Variants in KCNN2 observed in about 807,000 individuals in gnomAD.
KCNN2 encodes the protein potassium calcium-activated channel subfamily N member 2.
In KCNN2, 24 loss-of-function variants were observed where a neutral mutation model predicts 55.5. That is an observed-to-expected ratio of 0.43 (90% CI 0.31 to 0.61). KCNN2 has a LOEUF of 0.61. Ranked by LOEUF, KCNN2 falls within the 20% of genes least tolerant of loss-of-function variation. The probability of loss-of-function intolerance (pLI) is 0.08; values close to 1 mark genes in which losing one functional copy is unlikely to be tolerated. For missense variants in KCNN2, 754 were observed against 853.6 expected (o/e 0.88, Z 1.45); for synonymous variants, 431 against 336.1 (o/e 1.28, Z -3.09).
At chr5:114,491,206 C>G (rs1243397699) in intron 6 of KCNN2, among the ~76,000 whole-genome samples, 2 of 152,032 alleles carry the variant, frequency 1.3e-5, no homozygotes, top group African/African-American at 4.8e-5. Flanking sequence ...TGCCACTGGC[C>G]CTTCTAGCCT....
intron 2 of KCNN2, 47 bp from the exon 3 acceptor site, chr5:114,404,391 G>T: frequency 1.3e-6 from 2 of 1,490,426 alleles, no homozygotes; most frequent in South Asian, 1.2e-5. Flanking sequence ...AACACTTGTG[G>T]ACCATTCATG....
chr5:114,292,730 A>G (rs560193562), intron 2 of KCNN2, among the ~76,000 whole-genome samples: 1 of 152,314 alleles, frequency 6.6e-6, no homozygotes, highest in East Asian at 1.9e-4. Flanking sequence ...TCTGGGAAGA[A>G]AGTCATTGAT....
At chr5:114,412,426 G>A (rs1759165004) in intron 3 of KCNN2, among the ~76,000 whole-genome samples, 1 of 108,332 alleles carries the variant, frequency 9.2e-6, no homozygotes, top group Admixed American at 8.3e-5. Flanking sequence ...TTCAATATGT[G>A]ATCAACTCTG....
intron 2 of KCNN2, among the ~76,000 whole-genome samples, chr5:114,300,886 G>A (rs900479006): frequency 2.0e-5 from 3 of 152,162 alleles, no homozygotes; most frequent in African/African-American, 7.2e-5. Flanking sequence ...CCACATGACT[G>A]TGTTGGACTG....
intron 1 of KCNN2, among the ~76,000 whole-genome samples, chr5:114,148,962 A>C (rs537568641): frequency 6.6e-6 from 1 of 152,242 alleles, no homozygotes; most frequent in East Asian, 1.9e-4. Flanking sequence ...AGTCAGCCCA[A>C]CCAGAAATAG....
chr5:114,063,510 A>G (rs1345363911), intron 1 of KCNN2, among the ~76,000 whole-genome samples: 1 of 152,018 alleles, frequency 6.6e-6, no homozygotes, highest in Non-Finnish European at 1.5e-5. Flanking sequence ...CCCCCTCCAA[A>G]TTTCCATTTC....
At chr5:114,249,232 C>T (rs887519963) in intron 2 of KCNN2, among the ~76,000 whole-genome samples, 1 of 151,260 alleles carries the variant, frequency 6.6e-6, no homozygotes, top group Non-Finnish European at 1.5e-5. Flanking sequence ...TTGTGAAGAA[C>T]GTAAACATGG....
chr5:114,376,090 A>G (rs77024554), intron 2 of KCNN2, among the ~76,000 whole-genome samples: 4,558 of 150,920 alleles, frequency 0.03, 227 homozygotes, highest in African/African-American at 0.11. Flanking sequence ...TCATCTCCCA[A>G]TGTGTCCTTT....
chr5:114,481,835 C>T (rs1762242230), intron 5 of KCNN2, among the ~76,000 whole-genome samples: 2 of 152,112 alleles, frequency 1.3e-5, no homozygotes, highest in Admixed American at 6.6e-5. Context: ...TAGCTATATG[C>T]AGAAAATTGA....
At chr5:114,484,747 C>T (rs1018871982) in intron 5 of KCNN2, among the ~76,000 whole-genome samples, 1 of 152,080 alleles carries the variant, frequency 6.6e-6, no homozygotes, top group Admixed American at 6.6e-5. Flanking sequence ...AATATGATGC[C>T]TTAGGAGGTT....
chr5:114,222,127 T>A (rs1335783063), intron 2 of KCNN2, among the ~76,000 whole-genome samples: 1 of 152,202 alleles, frequency 6.6e-6, no homozygotes, highest in Non-Finnish European at 1.5e-5. Context: ...TCAGTGAAAG[T>A]ATATCCAAAG....
chr5:114,201,216 G>A (rs1753667595), intron 1 of KCNN2, among the ~76,000 whole-genome samples: 2 of 152,146 alleles, frequency 1.3e-5, no homozygotes, highest in Non-Finnish European at 1.5e-5. Flanking sequence ...TAGGTGGCAG[G>A]TATTGTTCTA....
rs544311189 is a variant in KCNN2, at chr5:114,325,585, C to G, written c.-184-35360C>G. 1.7e-4 allele frequency among the ~76,000 whole-genome samples: 26 copies of G among 152,300 alleles called. No homozygotes were observed. The South Asian group carries it at 3.1e-3, about 18-fold the overall frequency. ...GTTTAGGAAACTTAAAAGCCTTAAT[C>G]GTCAGCCATCTCAGCAAAAGCCAAA... On this transcript the variant is annotated intron_variant, in intron 2 of 10. Coordinates refer to the KCNN2 transcript ENST00000512097.
At chr5:114,147,180 G>T (rs1752416535) in intron 1 of KCNN2, among the ~76,000 whole-genome samples, 1 of 152,156 alleles carries the variant, frequency 6.6e-6, no homozygotes, top group South Asian at 2.1e-4. Flanking sequence ...GGTAACACCT[G>T]CCTCTAGTGG....
At chr5:114,472,390 T>C (rs1057281343) in intron 4 of KCNN2, among the ~76,000 whole-genome samples, 4 of 152,322 alleles carry the variant, frequency 2.6e-5, no homozygotes, top group South Asian at 2.1e-4. Context: ...GTTGGTTTTT[T>C]CAAAATGAAG....
chr5:114,471,434 C>T (rs1761739968), intron 4 of KCNN2, among the ~76,000 whole-genome samples: 1 of 152,126 alleles, frequency 6.6e-6, no homozygotes, highest in Non-Finnish European at 1.5e-5. Flanking sequence ...AGTACAGGTG[C>T]AGCCATCCAT....
intron 3 of KCNN2, among the ~76,000 whole-genome samples, chr5:114,430,238 T>G (rs1047590805): frequency 2.6e-5 from 4 of 152,230 alleles, no homozygotes; most frequent in African/African-American, 9.6e-5. Context: ...TCAACAATTG[T>G]TAGCTTTTCT....
chr5:114,399,919 T>G (rs1055455783), intron 2 of KCNN2, among the ~76,000 whole-genome samples: 7 of 120,168 alleles, frequency 5.8e-5, no homozygotes, highest in African/African-American at 1.2e-4. Context: ...CCTTTGAGGG[T>G]TTTTTTTTTT....
At chr5:114,383,801 A>G (rs761505342) in intron 2 of KCNN2, among the ~76,000 whole-genome samples, 1 of 152,212 alleles carries the variant, frequency 6.6e-6, no homozygotes. Flanking sequence ...TGGCACAGGA[A>G]CAAAGGCCAC....
Sources: gnomAD v4.1 joint callset for allele counts (sites outside exome capture counted in the v4.1 genomes callset) on GRCh38, gnomAD v4.1.1 for gene constraint, MANE v1.5 for transcripts, NCBI Gene and HGNC (gene_info 2026-07-23, HGNC 2026-07-21) for gene names.